GCLC: variants seen among roughly 807,000 people sequenced by gnomAD.
The protein encoded by GCLC is glutamate--cysteine ligase catalytic subunit.
A neutral mutation model predicts 81.5 loss-of-function variants in GCLC; 30 were observed. The ratio of observed to expected loss-of-function variants is 0.37; its 90% CI spans 0.28 to 0.50. The LOEUF (loss-of-function observed/expected upper bound fraction) is 0.50, where lower values mean the gene tolerates loss of function less well. Among genes scored for constraint, GCLC ranks in the 20% least tolerant of loss-of-function variants. The pLI, the probability that GCLC is intolerant of heterozygous loss-of-function variation, is 0.96. For synonymous variants in GCLC, 262 were observed against 273.3 expected (o/e 0.96, Z 0.41); for missense variants, 556 against 777.4 (o/e 0.72, Z 3.39).
Position 53,500,239 on chromosome 6 carries a change from C to A in GCLC, c.1581+8G>T. On this transcript the variant is annotated splice_region_variant and intron_variant, in intron 14 of 15. Coordinates refer to ENST00000650454, the MANE Select transcript of GCLC (RefSeq NM_001498.4). ...AGTGAGGGGTACTGTACAGGGCCAC[C>A]CTCCTACCTTCCCATTGATGATGGT... The A allele has an allele frequency of 6.2e-7, 1 of 1,613,282 alleles. No homozygotes were observed. Among genetic ancestry groups the A allele is most frequent in the Non-Finnish European group, 8.5e-7 (1 of 1,179,234 alleles).
At chr6:53,520,229 A>C (rs1430138447) in intron 3 of GCLC, among the ~76,000 whole-genome samples, 1 of 152,200 alleles carries the variant, frequency 6.6e-6, no homozygotes. Context: ...CAAACCCTAA[A>C]TCTTCTTTTC....
rs1205387222 is a variant in GCLC, at chr6:53,498,218, AAAC to A, written c.*535_*537del. ...CAAGTGATTATTCCAATTGCAAAAG[AAAC>A]ATCATAGATAAGGTGCTAGAAACCC... On this transcript the variant is annotated 3_prime_UTR_variant, in exon 16 of 16. Coordinates refer to ENST00000650454, the MANE Select transcript of GCLC (RefSeq NM_001498.4). 1 of 154,764 alleles carries A rather than the reference AAAC, an allele frequency of 6.5e-6. No individual in the cohort carries two copies. The highest frequency in any genetic ancestry group is 1.4e-5 in the Non-Finnish European group (1 of 69,572). The allele number at this position is 154,764 out of a possible 1,614,324, so 9.6% of individuals were successfully genotyped here.
intron 1 of GCLC, among the ~76,000 whole-genome samples, chr6:53,540,184 T>C (rs1274277187): frequency 6.6e-6 from 1 of 152,182 alleles, no homozygotes; most frequent in Non-Finnish European, 1.5e-5. Flanking sequence ...TAAAAAGTCC[T>C]GTTGGCAAAG....
intron 1 of GCLC, 118 bp downstream of exon 1, chr6:53,544,378 C>T (rs966497805): frequency 2.8e-5 from 29 of 1,049,646 alleles, no homozygotes; most frequent in East Asian, 1.0e-4. Flanking sequence ...CGCTCGAGGA[C>T]CCCCGGGCGC....
Position 53,499,941 on chromosome 6 carries a change from G to A in GCLC, c.1702+104C>T, listed in dbSNP as rs1338402401. On this transcript the variant is annotated intron_variant, in intron 15 of 15. Transcript: ENST00000650454. ...CAGAAATATAAAAATGTGAAACTGT[G>A]CATGAATACAGCATTATTTTAAAAG... 1.2e-5 allele frequency: 10 copies of A among 818,708 alleles called. No individual in the cohort carries two copies. In the Admixed American group the frequency reaches 1.9e-4, roughly 16 times the overall value. The allele number at this position is 818,708 out of a possible 1,614,324, so 50.7% of individuals were successfully genotyped here.
chr6:53,535,860 A>G (rs1763248468), intron 1 of GCLC, among the ~76,000 whole-genome samples: 1 of 152,224 alleles, frequency 6.6e-6, no homozygotes, highest in South Asian at 2.1e-4. Flanking sequence ...ATACTCTGCT[A>G]GTGAGAATGC....
At chr6:53,509,676 T>A (rs1213490658) in intron 6 of GCLC, 1 of 235,486 alleles carries the variant, frequency 4.2e-6, no homozygotes, top group Non-Finnish European at 8.4e-6. Flanking sequence ...TGAGATGGAG[T>A]CTCACTCTGT....
chr6:53,517,730 C>G (rs4715406), intron 3 of GCLC, among the ~76,000 whole-genome samples: 36 of 152,204 alleles, frequency 2.4e-4, no homozygotes, highest in African/African-American at 8.2e-4. Context: ...TACGGCACTG[C>G]TTCATTCTAG....
At chr6:53,528,794 A>G (rs762594870) in intron 1 of GCLC, among the ~76,000 whole-genome samples, 1 of 152,328 alleles carries the variant, frequency 6.6e-6, no homozygotes, top group East Asian at 1.9e-4. Context: ...ACAAAAATCA[A>G]TTAATTTCCT....
chr6:53,507,596 CT>C lies in GCLC; in HGVS notation c.967del (p.Arg323GlyfsTer10), dbSNP rs1764641298. The C allele has an allele frequency of 1.3e-6, 2 of 1,544,936 alleles. No homozygotes were observed. Among genetic ancestry groups the C allele is most frequent in the Non-Finnish European group, 1.8e-6 (2 of 1,118,542 alleles). The stretch of plus-strand genomic sequence containing the variant: ...TGAGTCATATCGGGATTTACTGATC[CT>C]ATAGTTATTGTTCTTCAATGGCTAA... The part of the protein sequence containing the change: ...GLEPLKNNNY[R>X]ISKSRYDSID... On this transcript the variant is annotated frameshift_variant, in exon 9 of 16. Transcript: ENST00000650454. LOFTEE classifies it high-confidence loss of function.
At chr6:53,508,529 G>A in intron 8 of GCLC, 66 bp downstream of exon 8, 2 of 937,006 alleles carry the variant, frequency 2.1e-6, no homozygotes, top group South Asian at 2.6e-5. Flanking sequence ...GAAATTGCAA[G>A]TAGTTACAAA....
At chr6:53,529,231 GT>G (rs1180675790) in intron 1 of GCLC, among the ~76,000 whole-genome samples, 2 of 152,112 alleles carry the variant, frequency 1.3e-5, no homozygotes, top group Non-Finnish European at 2.9e-5. Flanking sequence ...ATTCATTATT[GT>G]TGGCACAAAG....
intron 1 of GCLC, among the ~76,000 whole-genome samples, chr6:53,525,884 G>A (rs1763072946): frequency 6.6e-6 from 1 of 152,136 alleles, no homozygotes; most frequent in Admixed American, 6.5e-5. Context: ...CCTTTTAATT[G>A]AGGGAGAAGA....
At chr6:53,518,466 G>A (rs138591187) in intron 3 of GCLC, among the ~76,000 whole-genome samples, 2,190 of 152,268 alleles carry the variant, frequency 0.014, 25 homozygotes, top group Middle Eastern at 0.085. Context: ...GGCCAGGCTG[G>A]TCTCGAACTC....
At chr6:53,514,132 A>G (rs1764811411) in intron 6 of GCLC, 72 bp downstream of exon 6, 1 of 1,388,638 alleles carries the variant, frequency 7.2e-7, no homozygotes, top group Non-Finnish European at 1.0e-6. Flanking sequence ...AACAGGAAAC[A>G]TGCATATATA....
chr6:53,511,088 T>C (rs908478511), intron 6 of GCLC, among the ~76,000 whole-genome samples: 7 of 151,362 alleles, frequency 4.6e-5, no homozygotes, highest in Non-Finnish European at 8.8e-5. Context: ...TTTGCTGAAG[T>C]AGAAGCTCCA....
intron 7 of GCLC, 38 bp from the exon 8 acceptor site, chr6:53,508,749 G>T: frequency 7.4e-7 from 1 of 1,353,560 alleles, no homozygotes; most frequent in Non-Finnish European, 1.1e-6. Flanking sequence ...CAAATTCAAA[G>T]TGTCACTTAC....
At chr6:53,514,406 C>G in intron 5 of GCLC, 33 bp downstream of exon 5, 1 of 1,598,066 alleles carries the variant, frequency 6.3e-7, no homozygotes, top group Non-Finnish European at 8.6e-7. Context: ...CAACATGTCT[C>G]TCTCCCACCC....
chr6:53,515,685 A>ATT lies in GCLC; in HGVS notation c.560+423_560+424insAA, dbSNP rs17878884. On this transcript the variant is annotated intron_variant, in intron 4 of 15. Transcript: ENST00000650454. ...ATGGAAGAGAGTGCCTATTATATATATCAGGTACTGCACCTATTTTATAAG... is the reference window on the plus strand; with the variant it reads ...ATGGAAGAGAGTGCCTATTATATATATTTCAGGTACTGCACCTATTTTATAAG... Among the ~76,000 whole-genome samples the ATT allele has an allele frequency of 3.1e-3, 469 of 152,338 alleles. 7 individuals carry two copies. Among genetic ancestry groups the ATT allele is most frequent in the Middle Eastern group, 0.031 (9 of 294 alleles).
Sources: allele counts gnomAD v4.1 joint callset (sites outside exome capture counted in the v4.1 genomes callset), GRCh38; gene constraint gnomAD v4.1.1; transcripts MANE v1.5; gene names NCBI Gene and HGNC (gene_info 2026-07-23, HGNC 2026-07-21).